Variants in RAB7B observed in about 807,000 individuals in gnomAD.
RAB7B encodes RAB7B, member RAS oncogene family.
intron 5 of RAB7B, among the ~76,000 whole-genome samples, chr1:205,983,091 G>T (rs1365947569): frequency 3.3e-5 from 5 of 152,170 alleles, no homozygotes; most frequent in Non-Finnish European, 7.3e-5. Context: ...CTGTGGTATG[G>T]CATCTGCACT....
Position 205,978,515 on chromosome 1 carries a change from G to A in RAB7B, c.*336C>T, listed in dbSNP as rs1474706039. The A allele has an allele frequency of 2.9e-5, 6 of 205,788 alleles. No homozygotes were observed. Among genetic ancestry groups the A allele is most frequent in the South Asian group, 1.9e-4 (1 of 5,270 alleles). 12.7% of individuals were successfully genotyped at this position (205,788 alleles called of 1,614,324 possible). Reference sequence around the variant, plus strand: ...AGACTCCAATCAGTGGCCGGTCTGCGGAGATGTGTGTTCTGGAGCGGGAGT... The same window carrying A: ...AGACTCCAATCAGTGGCCGGTCTGCAGAGATGTGTGTTCTGGAGCGGGAGT... On this transcript the variant is annotated 3_prime_UTR_variant, in exon 6 of 6. Coordinates refer to ENST00000617070, the MANE Select transcript of RAB7B (RefSeq NM_001164522.3).
intron 1 of RAB7B, among the ~76,000 whole-genome samples, chr1:205,999,256 G>A (rs1660854610): frequency 6.6e-6 from 1 of 152,292 alleles, no homozygotes; most frequent in African/African-American, 2.4e-5. Context: ...AGGTCGCTAT[G>A]CACAATGTGT....
chr1:205,995,450 C>T (rs1660796056), intron 1 of RAB7B, among the ~76,000 whole-genome samples: 1 of 152,168 alleles, frequency 6.6e-6, no homozygotes, highest in African/African-American at 2.4e-5. Context: ...CTCCCAGGTT[C>T]ACTGCAGCTT....
At chr1:205,998,770 A>C (rs1266056309) in intron 1 of RAB7B, among the ~76,000 whole-genome samples, 1 of 152,266 alleles carries the variant, frequency 6.6e-6, no homozygotes, top group Non-Finnish European at 1.5e-5. Flanking sequence ...TAGCATTGTC[A>C]GGGGTAAACA....
chr1:205,984,566 G>A (rs1660556244), intron 5 of RAB7B, among the ~76,000 whole-genome samples: 3 of 152,128 alleles, frequency 2.0e-5, no homozygotes, highest in Admixed American at 6.5e-5. Context: ...CCCTCCCCAT[G>A]CCAATCCCAG....
chr1:205,987,843 T>C (rs1254806169), intron 4 of RAB7B, among the ~76,000 whole-genome samples: 1 of 152,238 alleles, frequency 6.6e-6, no homozygotes, highest in Non-Finnish European at 1.5e-5. Context: ...TGCCTGTTTT[T>C]ACTGTGGTAA....
At position 205,978,006 on chromosome 1, in the gene RAB7B, TTTTG is replaced by T. The variant is rs1459770493; in HGVS notation, c.*841_*844del. ...GCTCCAGGAGGGCAGAGTCCCTGTG[TTTTG>T]TTTGTCACTGGACTTCAATGCATCG... On this transcript the variant is annotated 3_prime_UTR_variant, in exon 6 of 6. Coordinates refer to ENST00000617070, the MANE Select transcript of RAB7B (RefSeq NM_001164522.3). 6.6e-6 allele frequency: 1 copy of T among 152,242 alleles called. No homozygotes were observed. The allele number at this position is 152,242 out of a possible 1,614,324, so 9.4% of individuals were successfully genotyped here.
Position 205,993,509 on chromosome 1 carries a change from T to A in RAB7B, c.91A>T (p.Lys31Ter). 1 of 398,622 alleles carries A rather than the reference T, an allele frequency of 2.5e-6. No homozygotes were observed. The highest frequency in any genetic ancestry group is 3.6e-5 in the East Asian group (1 of 28,080). The allele number at this position is 398,622 out of a possible 1,614,324, so 24.7% of individuals were successfully genotyped here. A position where few individuals can be genotyped will look rare whatever the true frequency, so the allele number is the denominator to read the frequency against. The stretch of plus-strand genomic sequence containing the variant: ...GTCTGGTATTCCTCATAAAACGTCT[T>A]GTGCACATATTGGTGAAGGAGGGAG... ...KTSLLHQYVH[K>*]TFYEEYQTTL... The change falls in exon 3 of 6, where the codon AAG (lysine) becomes TAG (stop). Residue 31 changes from lysine to a stop codon, truncating the protein, a stop_gained. Transcript: ENST00000617070. LOFTEE classifies it high-confidence loss of function.
intron 4 of RAB7B, 146 bp from the exon 5 acceptor site, chr1:205,985,811 C>CCACCAGGCCCACCATCCCCATCAGGCT (rs1660593173): frequency 2.6e-6 from 1 of 382,626 alleles, no homozygotes; most frequent in African/African-American, 2.3e-5. Flanking sequence ...CCCACCAGGC[C>CCACCAGGCCCACCATCCCCATCAGGCT]CACCAGGCCC....
chr1:205,978,984 C>A, intron 5 of RAB7B, 56 bp from the exon 6 acceptor site: 1 of 398,192 alleles, frequency 2.5e-6, no homozygotes, highest in South Asian at 1.3e-4. Flanking sequence ...GTGCACCGCC[C>A]GCCCTTCATT....
At chr1:205,988,619 TAAG>T (rs1446721765) in intron 4 of RAB7B, among the ~76,000 whole-genome samples, 3 of 152,192 alleles carry the variant, frequency 2.0e-5, no homozygotes, top group Non-Finnish European at 4.4e-5. Flanking sequence ...GAGATAATAA[TAAG>T]GAGGATCATT....
At chr1:205,996,032 G>T (rs1660807745) in intron 1 of RAB7B, among the ~76,000 whole-genome samples, 1 of 151,272 alleles carries the variant, frequency 6.6e-6, no homozygotes, top group African/African-American at 2.4e-5. Context: ...AAGTTATTCT[G>T]GTTGGTAGGA....
intron 1 of RAB7B, among the ~76,000 whole-genome samples, chr1:205,997,101 G>C (rs1049272980): frequency 4.6e-5 from 7 of 152,218 alleles, no homozygotes; most frequent in African/African-American, 9.6e-5. Flanking sequence ...GGTGGCACTG[G>C]AACTTCTGCT....
At chr1:205,993,568 T>C (rs1018992301) in intron 2 of RAB7B, 22 bp from the exon 3 acceptor site, 1 of 398,434 alleles carries the variant, frequency 2.5e-6, no homozygotes, top group South Asian at 1.3e-4. Context: ...TCCAGACACA[T>C]GTGAACACAC....
intron 5 of RAB7B, among the ~76,000 whole-genome samples, chr1:205,980,715 T>C (rs1484184212): frequency 7.9e-5 from 12 of 152,162 alleles, no homozygotes; most frequent in African/African-American, 2.9e-4. Context: ...TTTTTCCAAT[T>C]AACCCCAAAA....
At chr1:205,984,875 C>A (rs1478413548) in intron 5 of RAB7B, among the ~76,000 whole-genome samples, 5 of 152,084 alleles carry the variant, frequency 3.3e-5, no homozygotes, top group African/African-American at 1.2e-4. Context: ...TCCCTTCTTC[C>A]CTCTCCCTCC....
Position 205,981,240 on chromosome 1 carries a change from T to TA in RAB7B, c.523-2313dup, listed in dbSNP as rs1173895984. 6.6e-5 allele frequency among the ~76,000 whole-genome samples: 10 copies of TA among 152,296 alleles called. No individual in the cohort carries two copies. The East Asian group carries it at 1.7e-3, about 27-fold the overall frequency. Reference sequence around the variant, plus strand: ...TCTGGAGCAAAACCTCACCACCCCATATCTTCCAAAGCTGGTGGATATCTC... The same window carrying TA: ...TCTGGAGCAAAACCTCACCACCCCATAATCTTCCAAAGCTGGTGGATATCTC... On this transcript the variant is annotated intron_variant, in intron 5 of 5. Coordinates refer to ENST00000617070, the MANE Select transcript of RAB7B (RefSeq NM_001164522.3).
intron 4 of RAB7B, among the ~76,000 whole-genome samples, chr1:205,988,300 C>T (rs1404620333): frequency 6.9e-6 from 1 of 143,944 alleles, no homozygotes; most frequent in Non-Finnish European, 1.5e-5. Flanking sequence ...GTGATCTTGG[C>T]TCACTGCAGC....
At chr1:206,001,601 C>A (rs1660891904) in intron 1 of RAB7B, among the ~76,000 whole-genome samples, 1 of 152,170 alleles carries the variant, frequency 6.6e-6, no homozygotes, top group Admixed American at 6.5e-5. Context: ...TGTTAAGTAA[C>A]AGTGAAAAGC....
Sources: allele counts gnomAD v4.1 joint callset (sites outside exome capture counted in the v4.1 genomes callset), GRCh38; gene constraint gnomAD v4.1.1; transcripts MANE v1.5; gene names NCBI Gene and HGNC (gene_info 2026-07-23, HGNC 2026-07-21).